The following CEP295 variants were observed in gnomAD, a reference collection of about 807,000 sequenced individuals.
CEP295 encodes centrosomal protein of 295 kDa.
In CEP295, 190 loss-of-function variants were observed where a neutral mutation model predicts 291.6. The ratio of observed to expected loss-of-function variants is 0.65; its 90% CI spans 0.58 to 0.73. CEP295 has a LOEUF of 0.73. Among genes scored for constraint, CEP295 ranks in the 30% least tolerant of loss-of-function variants. The probability of loss-of-function intolerance (pLI) is 0.00; values close to 1 mark genes in which losing one functional copy is unlikely to be tolerated. For missense variants in CEP295, 2,863 were observed against 2,949.4 expected (o/e 0.97, Z 0.68); for synonymous variants, 993 against 1,038.8 (o/e 0.96, Z 0.85).
chr11:93,721,693 T>TGTGTGTAC, intron 19 of CEP295: 1 of 735,914 alleles, frequency 1.4e-6, no homozygotes, highest in Non-Finnish European at 2.5e-6. Context: ...TGTGTGTGTG[T>TGTGTGTAC]GTGTGTGTAC....
intron 1 of CEP295, among the ~76,000 whole-genome samples, chr11:93,662,375 A>G (rs1401460086): frequency 6.6e-6 from 1 of 152,160 alleles, no homozygotes; most frequent in Non-Finnish European, 1.5e-5. Context: ...AACGAAACCA[A>G]AGTGACTTCA....
rs1937789523 is a variant in CEP295 at position 93,728,734 on chromosome 11, C to A, written c.7215C>A (p.Ser2405Arg). Residue 2405 changes from serine to arginine, a missense_variant, in exon 25 of 30, where the codon AGC (serine) becomes AGA (arginine). Physicochemically the swap from Ser to Arg is moderately radical, Grantham distance 110 (BLOSUM62 -1). Coordinates refer to ENST00000325212, the MANE Select transcript of CEP295 (RefSeq NM_033395.2). ...IMEEPELTLI[S>R]TTDTSIAEMD... The stretch of plus-strand genomic sequence containing the variant: ...AAGAACCAGAACTTACTTTAATAAG[C>A]ACCACTGATACCAGTATTGCTGAAA... 1 of 1,550,178 alleles carries A rather than the reference C, an allele frequency of 6.5e-7. No individual in the cohort carries two copies. Among genetic ancestry groups the A allele is most frequent in the Non-Finnish European group, 8.7e-7 (1 of 1,146,410 alleles).
chr11:93,728,442 T>C, intron 24 of CEP295: 1 of 376,298 alleles, frequency 2.7e-6, no homozygotes, highest in South Asian at 4.1e-5. Context: ...TACCTTTCAG[T>C]CCATTGTCAC....
chr11:93,727,341 G>C lies in CEP295; in HGVS notation c.6865G>C (p.Val2289Leu), dbSNP rs1207664030. ...CTTTGAAGAACTATCAAAAAGAGGG[G>C]TTGTTACAATGTTACAAAGTCAAGG... ...MGFEELSKRGVVTMLQSQGLI... is the reference protein window; with the variant it reads ...MGFEELSKRGLVTMLQSQGLI... Residue 2289 changes from valine (V) to leucine (L), a missense_variant, in exon 24 of 30, where the codon GTT (valine) becomes CTT (leucine). Around this residue, in one of 3 missense-constraint regions of CEP295, gnomAD observed 2,295 missense variants for 2,335.7 expected, o/e 0.98. Transcript: ENST00000325212. 1 of 1,551,470 alleles carries C rather than the reference G, an allele frequency of 6.4e-7. No individual in the cohort carries two copies. The highest frequency in any genetic ancestry group is 8.7e-7 in the Non-Finnish European group (1 of 1,146,924).
chr11:93,670,510 A>C (rs1159850948), intron 5 of CEP295, among the ~76,000 whole-genome samples: 2 of 152,196 alleles, frequency 1.3e-5, no homozygotes, highest in African/African-American at 2.4e-5. Context: ...AGTTATTTTT[A>C]TCTGAAGAAT....
chr11:93,683,878 A>G (rs1163112803), intron 8 of CEP295, 86 bp from the exon 9 acceptor site: 2 of 1,454,412 alleles, frequency 1.4e-6, no homozygotes, highest in Non-Finnish European at 1.8e-6. Context: ...TTAGATTGAG[A>G]CATTACCGTG....
intron 14 of CEP295, 72 bp downstream of exon 14, chr11:93,696,489 T>C (rs1251235822): frequency 8.8e-6 from 10 of 1,133,402 alleles, no homozygotes; most frequent in African/African-American, 1.6e-5. Flanking sequence ...TTCATTTATA[T>C]GAGGATCTAA....
chr11:93,706,995 A>G (rs1952552033), intron 18 of CEP295, 98 bp downstream of exon 18: 1 of 1,075,868 alleles, frequency 9.3e-7, no homozygotes. Flanking sequence ...ATGGTAAATA[A>G]ACTTAGTTAC....
rs1359572234 is a variant in CEP295, at chr11:93,687,753, G to A, written c.1224G>A (p.Glu408=). 6.4e-7 allele frequency: 1 copy of A among 1,550,866 alleles called. No homozygotes were observed. The highest frequency in any genetic ancestry group is 8.7e-7 in the Non-Finnish European group (1 of 1,146,352). Residue 408 remains glutamate (E), a synonymous_variant, in exon 10 of 30, where the codon GAG becomes GAA. Transcript: ENST00000325212. The stretch of plus-strand genomic sequence containing the variant: ...TCTGGACAATTAAATCTATGTCTGA[G>A]GATGAAAGTGAAATGATTACGACTG... ...KSLWTIKSMS[E]DESEMITTVS...
At chr11:93,668,609 T>A (rs1950293296) in intron 3 of CEP295, among the ~76,000 whole-genome samples, 199 bp from the exon 4 acceptor site, 1 of 152,188 alleles carries the variant, frequency 6.6e-6, no homozygotes, top group African/African-American at 2.4e-5. Context: ...ATTGATTGCA[T>A]TAACTTTACA....
chr11:93,711,127 C>T (rs563530440), intron 18 of CEP295, among the ~76,000 whole-genome samples: 14 of 151,850 alleles, frequency 9.2e-5, no homozygotes, highest in African/African-American at 3.1e-4. Flanking sequence ...TTTATTATTT[C>T]TTTTCTTCCA....
intron 18 of CEP295, among the ~76,000 whole-genome samples, chr11:93,712,452 C>T (rs1382559133): frequency 2.0e-5 from 3 of 151,804 alleles, no homozygotes; most frequent in Non-Finnish European, 4.4e-5. Flanking sequence ...CGGGGTTTCG[C>T]CATGTTGGCC....
intron 15 of CEP295, 117 bp from the exon 16 acceptor site, chr11:93,702,343 A>T: frequency 1.7e-6 from 1 of 595,652 alleles, no homozygotes; most frequent in Non-Finnish European, 2.8e-6. Context: ...TTTGTGATTG[A>T]TGGAACTATT....
intron 25 of CEP295, 61 bp downstream of exon 25, chr11:93,728,882 T>C: frequency 7.0e-7 from 1 of 1,422,116 alleles, no homozygotes; most frequent in Non-Finnish European, 9.4e-7. Context: ...ATTTGTCTCT[T>C]ACAACTTATC....
Position 93,729,879 on chromosome 11 carries a change from T to A in CEP295, c.7577T>A (p.Val2526Glu), listed in dbSNP as rs757117887. 20 of 1,547,816 alleles carry A rather than the reference T, an allele frequency of 1.3e-5. No individual in the cohort carries two copies. The East Asian group carries it at 4.2e-4, about 32-fold the overall frequency. The stretch of plus-strand genomic sequence containing the variant: ...ACTTTTCTTTCCTCAGGTTCATCTG[T>A]GAGTCGTCTAAAGGGCGTGAATAAA... Reference protein sequence around the residue: ...VKEKPSISSSVSRLKGVNKVR... With the variant: ...VKEKPSISSSESRLKGVNKVR... The change falls in exon 28 of 30, where the codon GTG (valine) becomes GAG (glutamate). Residue 2526 changes from valine to glutamate, a missense_variant. By Grantham distance (121) the Val-to-Glu change is moderately radical (BLOSUM62 -2). Transcript: ENST00000325212.
Position 93,724,190 on chromosome 11 carries a change from C to T in CEP295, c.6197-64C>T, listed in dbSNP as rs1953967261. 4.2e-6 allele frequency: 6 copies of T among 1,422,070 alleles called. No homozygotes were observed. In the East Asian group the frequency reaches 1.0e-4, roughly 24 times the overall value. 88.1% of individuals were successfully genotyped at this position (1,422,070 alleles called of 1,614,324 possible). A position where few individuals can be genotyped will look rare whatever the true frequency, so the allele number is the denominator to read the frequency against. On this transcript the variant is annotated intron_variant, in intron 21 of 29. Transcript: ENST00000325212. ...CTTAATACTCCTTTTCTAGTGTTTACCTTAAAAATAAATTTATGATTTTTT... is the reference window on the plus strand; with the variant it reads ...CTTAATACTCCTTTTCTAGTGTTTATCTTAAAAATAAATTTATGATTTTTT...
intron 5 of CEP295, among the ~76,000 whole-genome samples, chr11:93,671,332 G>A (rs887802224): frequency 2.0e-5 from 3 of 151,932 alleles, no homozygotes; most frequent in Non-Finnish European, 2.9e-5. Context: ...AACTTGTGGG[G>A]GTTTTTTACT....
intron 5 of CEP295, among the ~76,000 whole-genome samples, chr11:93,672,467 A>G (rs2134838210): frequency 6.6e-6 from 1 of 151,296 alleles, no homozygotes; most frequent in South Asian, 2.1e-4. Flanking sequence ...GCTAGAGTGC[A>G]GTGGCTCTTC....
In CEP295 at chr11:93,706,069, G is replaced by A. The variant is rs147022829; in HGVS notation, c.5597-676G>A. ...TGCCTGATCCCCTGGACCCCAGAGT[G>A]TATCAGATTCGTTTTCTCCAGAGAA... On this transcript the variant is annotated intron_variant, in intron 17 of 29. Transcript: ENST00000325212. Among the ~76,000 whole-genome samples the A allele has an allele frequency of 4.6e-4, 70 of 152,234 alleles. No homozygotes were observed. In the East Asian group the frequency reaches 0.011, roughly 24 times the overall value.
Sources: gnomAD v4.1 joint callset for allele counts (sites outside exome capture counted in the v4.1 genomes callset) on GRCh38, gnomAD v4.1.1 for gene constraint, gnomAD v4.1.1 regional missense constraint, MANE v1.5 for transcripts, NCBI Gene and HGNC (gene_info 2026-07-23, HGNC 2026-07-21) for gene names.